AAK1: variants seen among roughly 807,000 people sequenced by gnomAD.
AAK1 encodes the protein AP2 associated kinase 1.
A neutral mutation model predicts 116.0 loss-of-function variants in AAK1; 37 were observed. That is an observed-to-expected ratio of 0.32 (90% CI 0.25 to 0.42). AAK1 has a LOEUF of 0.42. Among genes scored for constraint, AAK1 ranks in the 10% least tolerant of loss-of-function variants. The pLI is 1.00. For synonymous variants in AAK1, 458 were observed against 439.9 expected, an observed-to-expected ratio of 1.04 and a Z score of -0.51; for missense variants, 919 against 1,170.6, an observed-to-expected ratio of 0.79 and a Z score of 3.14.
chr2:69,627,587 T>G (rs2105251354), intron 2 of AAK1, among the ~76,000 whole-genome samples: 1 of 152,300 alleles, frequency 6.6e-6, no homozygotes, highest in African/African-American at 2.4e-5. Flanking sequence ...TCAAAAAAGA[T>G]GAACAAGAAT....
intron 17 of AAK1, among the ~76,000 whole-genome samples, chr2:69,492,365 C>A (rs755482102): frequency 6.6e-5 from 10 of 151,980 alleles, no homozygotes; most frequent in Middle Eastern, 3.4e-3. Context: ...AGGCGCCCAC[C>A]ACCATGCCCA....
intron 8 of AAK1, among the ~76,000 whole-genome samples, chr2:69,529,715 C>T (rs1000582065): frequency 4.6e-5 from 7 of 152,176 alleles, no homozygotes; most frequent in African/African-American, 1.4e-4. Context: ...CCTTTGGTAC[C>T]GGAGCTTTCA....
intron 2 of AAK1, among the ~76,000 whole-genome samples, chr2:69,576,848 G>A (rs556211647): frequency 3.3e-5 from 5 of 152,086 alleles, no homozygotes; most frequent in African/African-American, 9.7e-5. Context: ...CTTAGATAGC[G>A]GTCTGAAAAA....
Position 69,466,206 on chromosome 2 carries a change from T to C in AAK1, c.*9663A>G. ...TCTTCCACCTTGCACTGTCTTTGCT[T>C]GCTCAGGAGAGACTTCTGGTGGAGC... On this transcript the variant is annotated 3_prime_UTR_variant, in exon 22 of 22. Coordinates refer to ENST00000409085, the MANE Select transcript of AAK1 (RefSeq NM_014911.5). 7.8e-7 allele frequency: 1 copy of C among 1,289,818 alleles called. No individual in the cohort carries two copies. The highest frequency in any genetic ancestry group is 1.0e-6 in the Non-Finnish European group (1 of 988,872). 79.9% of individuals were successfully genotyped at this position (1,289,818 alleles called of 1,614,324 possible).
intron 2 of AAK1, among the ~76,000 whole-genome samples, chr2:69,558,339 C>CAAA (rs35878234): frequency 4.5e-5 from 6 of 133,714 alleles, no homozygotes; most frequent in African/African-American, 1.4e-4. Flanking sequence ...GACCCTGTCT[C>CAAA]AAAAAAAAAA....
intron 2 of AAK1, among the ~76,000 whole-genome samples, chr2:69,612,986 T>C (rs1212785647): frequency 3.3e-5 from 5 of 152,202 alleles, no homozygotes; most frequent in Admixed American, 3.3e-4. Flanking sequence ...CCATGTGAAA[T>C]GGCCTAAGCT....
intron 9 of AAK1, among the ~76,000 whole-genome samples, chr2:69,526,104 C>T (rs1192612316): frequency 6.6e-6 from 1 of 152,182 alleles, no homozygotes; most frequent in East Asian, 1.9e-4. Flanking sequence ...ACTGTTAAGA[C>T]TGTAGAAAAA....
intron 2 of AAK1, 54 bp downstream of exon 2, chr2:69,642,824 T>A (rs891344411): frequency 1.2e-5 from 19 of 1,610,074 alleles, no homozygotes; most frequent in Non-Finnish European, 1.6e-5. Context: ...GAAACCACAG[T>A]ATTGCCGCAT....
chr2:69,484,481 T>A (rs950905205), intron 17 of AAK1, among the ~76,000 whole-genome samples: 2 of 152,198 alleles, frequency 1.3e-5, no homozygotes, highest in African/African-American at 4.8e-5. Flanking sequence ...ATCTCATTTA[T>A]ACCTCGTTTA....
rs1674506277 is a variant in AAK1 at position 69,466,942 on chromosome 2, T to C, written c.*8927A>G. 2 of 985,446 alleles carry C rather than the reference T, an allele frequency of 2.0e-6. No homozygotes were observed. The highest frequency in any genetic ancestry group is 1.7e-5 in the African/African-American group (1 of 57,362). 61.0% of individuals were successfully genotyped at this position (985,446 alleles called of 1,614,324 possible). A position where few individuals can be genotyped will look rare whatever the true frequency, so the allele number is the denominator to read the frequency against. On this transcript the variant is annotated 3_prime_UTR_variant, in exon 22 of 22. Coordinates refer to ENST00000409085, the MANE Select transcript of AAK1 (RefSeq NM_014911.5). ...TATACCATGACAGTTTTGGATTATGTAGAAACACTGTCTGGGGATGACTCA... is the reference window on the plus strand; with the variant it reads ...TATACCATGACAGTTTTGGATTATGCAGAAACACTGTCTGGGGATGACTCA...
chr2:69,614,433 G>C (rs1674225722), intron 2 of AAK1, among the ~76,000 whole-genome samples: 1 of 152,176 alleles, frequency 6.6e-6, no homozygotes, highest in African/African-American at 2.4e-5. Context: ...GCCCCGTGGA[G>C]CTGGCATTTC....
intron 17 of AAK1, among the ~76,000 whole-genome samples, chr2:69,495,198 CCA>C (rs1002605618): frequency 6.6e-6 from 1 of 152,160 alleles, no homozygotes; most frequent in African/African-American, 2.4e-5. Context: ...CTTCTCTTCC[CCA>C]CACCACTCCT....
intron 2 of AAK1, chr2:69,595,002 G>T: frequency 2.6e-6 from 2 of 769,328 alleles, no homozygotes; most frequent in Non-Finnish European, 4.7e-6. Flanking sequence ...ACTTTGTGGG[G>T]TTGGTGCTTG....
At chr2:69,636,889 G>A (rs1208225382) in intron 2 of AAK1, among the ~76,000 whole-genome samples, 3 of 151,996 alleles carry the variant, frequency 2.0e-5, no homozygotes, top group Non-Finnish European at 4.4e-5. Context: ...TACTAGAGAC[G>A]AGGTTTCACC....
At position 69,465,952 on chromosome 2, in the gene AAK1, CTGT is replaced by C. The variant is rs759642384; in HGVS notation, c.*9914_*9916del. Reference sequence around the variant, plus strand: ...AGCTCCTGGGAGGTGCATTGGATAACTGTTAACTCCTCCATGCTTTTCTTCTTA... The same window carrying C: ...AGCTCCTGGGAGGTGCATTGGATAACTAACTCCTCCATGCTTTTCTTCTTA... On this transcript the variant is annotated 3_prime_UTR_variant, in exon 22 of 22. Coordinates refer to ENST00000409085, the MANE Select transcript of AAK1 (RefSeq NM_014911.5). 4.6e-6 allele frequency: 6 copies of C among 1,290,748 alleles called. No individual in the cohort carries two copies. The African/African-American group carries it at 7.6e-5, about 16-fold the overall frequency. The allele number at this position is 1,290,748 out of a possible 1,614,324, so 80.0% of individuals were successfully genotyped here. A position where few individuals can be genotyped will look rare whatever the true frequency, so the allele number is the denominator to read the frequency against.
chr2:69,584,320 C>T, intron 2 of AAK1, among the ~76,000 whole-genome samples: 1 of 152,244 alleles, frequency 6.6e-6, no homozygotes. Flanking sequence ...TTCTCTCCAC[C>T]TCATTCCGAG....
At chr2:69,589,547 A>T (rs891790775) in intron 2 of AAK1, among the ~76,000 whole-genome samples, 1 of 152,074 alleles carries the variant, frequency 6.6e-6, no homozygotes, top group African/African-American at 2.4e-5. Context: ...TGTCTCTATT[A>T]AAAATACAAA....
intron 3 of AAK1, among the ~76,000 whole-genome samples, chr2:69,554,045 C>A (rs1269531240): frequency 6.6e-6 from 1 of 151,706 alleles, no homozygotes; most frequent in East Asian, 1.9e-4. Context: ...CCACTACGCT[C>A]CAGCTTGGGT....
rs1282652887 is a variant in AAK1 at position 69,507,593 on chromosome 2, AC to A, written c.2007-16del. 1.9e-6 allele frequency: 3 copies of A among 1,570,186 alleles called. No individual in the cohort carries two copies. In the South Asian group the frequency reaches 3.6e-5, roughly 19 times the overall value. ...TGGTTGCAGACCTAGGTAGGTTCCC[AC>A]CCCCACGAAACAAAAAGATATAAAA... On this transcript the variant is annotated splice_polypyrimidine_tract_variant and intron_variant, in intron 14 of 21. Coordinates refer to ENST00000409085, the MANE Select transcript of AAK1 (RefSeq NM_014911.5).
Sources: allele counts gnomAD v4.1 joint callset (sites outside exome capture counted in the v4.1 genomes callset), GRCh38; gene constraint gnomAD v4.1.1; transcripts MANE v1.5; gene names NCBI Gene and HGNC (gene_info 2026-07-23, HGNC 2026-07-21).